Variants in UGT2B7 observed in about 807,000 individuals in gnomAD.
UGT2B7 encodes UDP-glucuronosyltransferase 2B7.
Under a neutral mutation model 51.9 loss-of-function variants are expected in UGT2B7, and 51 were observed. That is an observed-to-expected ratio of 0.98 (90% CI 0.78 to 1.24). The LOEUF (loss-of-function observed/expected upper bound fraction) is 1.24. Ranked by LOEUF, UGT2B7 falls within the 50% of genes most tolerant of loss-of-function variation. The pLI is 0.00. For synonymous variants in UGT2B7, 225 were observed against 211.6 expected (o/e 1.06, Z -0.55); for missense variants, 727 against 628.4 (o/e 1.16, Z -1.68).
chr4:69,064,851 G>C (rs193252896), intron 1 of UGT2B7, among the ~76,000 whole-genome samples: 1 of 152,294 alleles, frequency 6.6e-6, no homozygotes, highest in African/African-American at 2.4e-5. Context: ...ACAGCACAAA[G>C]AGTGTTGCTG....
At chr4:69,074,750 C>G (rs940360198) in intron 1 of UGT2B7, among the ~76,000 whole-genome samples, 2 of 152,102 alleles carry the variant, frequency 1.3e-5, no homozygotes, top group African/African-American at 4.8e-5. Context: ...GGTACTATGT[C>G]TCATTTGGTT....
At chr4:69,052,645 CTGAAATAAATTGGT>C (rs1182858631) in intron 1 of UGT2B7, among the ~76,000 whole-genome samples, 1 of 97,324 alleles carries the variant, frequency 1.0e-5, no homozygotes, top group African/African-American at 5.1e-5. Flanking sequence ...AATTCTTGTT[CTGAAATAAATTGGT>C]TGTTTCAAGA....
In UGT2B7 at chr4:69,096,910, A is replaced by G. The variant is rs1719251166; in HGVS notation, c.390A>G (p.Val130=). ...GDITRKFCKD[V]VSNKKFMKKV... The stretch of plus-strand genomic sequence containing the variant: ...TAACTAGAAAGTTCTGTAAAGATGT[A>G]GTTTCAAATAAGAAATTTATGAAAA... Residue 130 remains valine (V), a synonymous_variant, in exon 1 of 6, where the codon GTA becomes GTG. Coordinates refer to ENST00000305231, the MANE Select transcript of UGT2B7 (RefSeq NM_001074.4). 6.2e-7 allele frequency: 1 copy of G among 1,611,796 alleles called. No individual in the cohort carries two copies. The highest frequency in any genetic ancestry group is 1.3e-5 in the African/African-American group (1 of 74,672).
chr4:69,087,523 C>A (rs1718989025), intron 1 of UGT2B7, among the ~76,000 whole-genome samples: 1 of 151,892 alleles, frequency 6.6e-6, no homozygotes, highest in Non-Finnish European at 1.5e-5. Context: ...ATTGGTTTTA[C>A]TACTGCTTTT....
At position 69,097,228 on chromosome 4, in the gene UGT2B7, T is replaced by G; in HGVS notation, c.708T>G (p.Tyr236Ter). 1 of 1,610,188 alleles carries G rather than the reference T, an allele frequency of 6.2e-7. No homozygotes were observed. Among genetic ancestry groups the G allele is most frequent in the Non-Finnish European group, 8.5e-7 (1 of 1,178,680 alleles). Residue 236 changes from tyrosine to a stop codon, truncating the protein, a stop_gained, in exon 1 of 6, where the codon TAT (tyrosine) becomes TAG (stop). Coordinates refer to ENST00000305231, the MANE Select transcript of UGT2B7 (RefSeq NM_001074.4). LOFTEE classifies it high-confidence loss of function. ...ACATGAAGAAGTGGGATCAGTTTTA[T>G]AGTGAAGTTCTAGGTAAGTATTTTT... ...IFDMKKWDQF[Y>*]SEVLGRPTTL...
At chr4:69,088,337 C>T (rs1322326745) in intron 1 of UGT2B7, among the ~76,000 whole-genome samples, 2 of 110,080 alleles carry the variant, frequency 1.8e-5, no homozygotes, top group African/African-American at 8.2e-5. Flanking sequence ...CTGGATTATT[C>T]TCTAAAGTGT....
chr4:69,075,351 C>T (rs12648808), intron 1 of UGT2B7, among the ~76,000 whole-genome samples: 65,130 of 151,790 alleles, frequency 0.43, 15,514 homozygotes, highest in African/African-American at 0.64. Context: ...TGTCTCTGTT[C>T]GTCTGTCTGT....
intron 5 of UGT2B7, 52 bp downstream of exon 5, chr4:69,108,374 G>A: frequency 6.3e-7 from 1 of 1,587,364 alleles, no homozygotes. Flanking sequence ...AGCTTCTCTT[G>A]TCAATAGTGA....
intron 1 of UGT2B7, among the ~76,000 whole-genome samples, chr4:69,069,096 A>G (rs1320766030): frequency 7.0e-6 from 1 of 142,912 alleles, no homozygotes; most frequent in Admixed American, 6.8e-5. Context: ...CTTGGAACAG[A>G]TACTTTAAAA....
upstream of UGT2B7, among the ~76,000 whole-genome samples, chr4:69,091,744 G>A (rs1192239571): frequency 6.6e-6 from 1 of 152,094 alleles, no homozygotes; most frequent in African/African-American, 2.4e-5. Context: ...CTTGTGACAT[G>A]AGCCATTAGC....
intron 1 of UGT2B7, among the ~76,000 whole-genome samples, chr4:69,065,727 G>A (rs1718467236): frequency 6.6e-6 from 1 of 152,032 alleles, no homozygotes; most frequent in South Asian, 2.1e-4. Context: ...CTAACTTATG[G>A]AACAAATGAA....
chr4:69,070,514 G>C (rs1028376743), intron 1 of UGT2B7, among the ~76,000 whole-genome samples: 1 of 150,758 alleles, frequency 6.6e-6, no homozygotes, highest in African/African-American at 2.4e-5. Flanking sequence ...ACTGAAGTAG[G>C]GGACAGACAC....
intron 2 of UGT2B7, among the ~76,000 whole-genome samples, chr4:69,100,601 T>C (rs1719388880): frequency 6.6e-6 from 1 of 151,862 alleles, no homozygotes; most frequent in South Asian, 2.1e-4. Flanking sequence ...ACCCTACTCT[T>C]GAAAAATTTC....
At chr4:69,074,313 C>T (rs2109870021) in intron 1 of UGT2B7, among the ~76,000 whole-genome samples, 1 of 151,800 alleles carries the variant, frequency 6.6e-6, no homozygotes, top group East Asian at 1.9e-4. Flanking sequence ...TGCACTCCAG[C>T]CTGGACAGCA....
chr4:69,108,203 C>T lies in UGT2B7; in HGVS notation c.1191C>T (p.Ala397=), dbSNP rs57913007. The T allele has an allele frequency of 0.027, 43,426 of 1,613,630 alleles. 909 individuals are homozygous for T. Among genetic ancestry groups the T allele is most frequent in the Middle Eastern group, 0.11 (647 of 6,060 alleles). ...CTATGGTGGGGATTCCATTGTTTGC[C>T]GATCAACCTGATAACATTGCTCACA... ...GIPMVGIPLF[A]DQPDNIAHMK... The change falls in exon 5 of 6, where the codon GCC becomes GCT. Residue 397 remains alanine (A), a synonymous_variant. Transcript: ENST00000305231.
intron 4 of UGT2B7, 123 bp downstream of exon 4, chr4:69,107,385 T>C: frequency 8.5e-7 from 1 of 1,170,778 alleles, no homozygotes. Context: ...CTTCTTTATA[T>C]TGATTTTCCA....
At chr4:69,094,218 C>A (rs1230892947), upstream of UGT2B7, among the ~76,000 whole-genome samples, 2 of 29,182 alleles carry the variant, frequency 6.9e-5, 1 homozygote, top group East Asian at 4.1e-3. Flanking sequence ...CGGCTCACTG[C>A]AAGCTCCGCC....
chr4:69,091,212 T>G (rs6600876), intron 2 of UGT2B7, among the ~76,000 whole-genome samples: 87,727 of 152,026 alleles, frequency 0.58, 26,322 homozygotes, highest in African/African-American at 0.71. Flanking sequence ...ATGTGATTCA[T>G]ATCAAAATAG....
At chr4:69,083,505 A>G (rs577871536) in intron 1 of UGT2B7, among the ~76,000 whole-genome samples, 3 of 152,196 alleles carry the variant, frequency 2.0e-5, no homozygotes, top group South Asian at 2.1e-4. Flanking sequence ...ATCCTCATGG[A>G]TGACTTTGAG....
Sources: gnomAD v4.1 joint callset for allele counts (sites outside exome capture counted in the v4.1 genomes callset) on GRCh38, gnomAD v4.1.1 for gene constraint, MANE v1.5 for transcripts, NCBI Gene and HGNC (gene_info 2026-07-23, HGNC 2026-07-21) for gene names.